Variants in CCDC60 observed in about 807,000 individuals in gnomAD.
The protein encoded by CCDC60 is coiled-coil domain containing 60, also known as coiled-coil domain-containing protein 60.
CCDC60 carries 54 observed loss-of-function variants against 63.5 expected under a neutral mutation model. That is an observed-to-expected ratio of 0.85 (90% CI 0.68 to 1.07). CCDC60 has a LOEUF of 1.07. Ranked by LOEUF, CCDC60 falls within the 50% of genes least tolerant of loss-of-function variation. The pLI, the probability that CCDC60 is intolerant of heterozygous loss-of-function variation, is 0.00. For missense variants in CCDC60, 651 were observed against 684.3 expected (o/e 0.95, Z 0.54); for synonymous variants, 206 against 238.8 (o/e 0.86, Z 1.27).
intron 2 of CCDC60, among the ~76,000 whole-genome samples, chr12:119,467,048 G>A (rs188479753): frequency 2.1e-4 from 32 of 152,246 alleles, no homozygotes; most frequent in South Asian, 1.7e-3. Flanking sequence ...ATAAACTACC[G>A]CTTATTCTAC....
chr12:119,379,105 G>GA (rs1235671623), intron 1 of CCDC60, among the ~76,000 whole-genome samples: 1 of 152,092 alleles, frequency 6.6e-6, no homozygotes. Context: ...AAGAGGAGAA[G>GA]AAAAAAAGAA....
intron 2 of CCDC60, among the ~76,000 whole-genome samples, chr12:119,453,812 C>A (rs1520758): frequency 0.15 from 22,277 of 149,740 alleles, 1,797 homozygotes; most frequent in East Asian, 0.3. Flanking sequence ...GGAAGAGGAG[C>A]AGGAGGAGAA....
rs1378467195 is a variant in CCDC60, at chr12:119,519,464, TA to T, written c.969-656del. On this transcript the variant is annotated intron_variant, in intron 8 of 13. Coordinates refer to ENST00000327554, the MANE Select transcript of CCDC60 (RefSeq NM_178499.5). ...GTGTGTGTGTGTGTATATATATATA[TA>T]TATTTTTTTTTTTTTTTGACAGAGT... 1.0e-3 allele frequency among the ~76,000 whole-genome samples: 133 copies of T among 128,188 alleles called. 1 individual carries two copies. The Middle Eastern group carries it at 0.025, about 24-fold the overall frequency. 84.1% of individuals were successfully genotyped at this position (128,188 alleles called of 152,430 possible). A position where few individuals can be genotyped will look rare whatever the true frequency, so the allele number is the denominator to read the frequency against.
Position 119,482,642 on chromosome 12 carries a change from T to G in CCDC60, c.449+3441T>G, listed in dbSNP as rs1015444022. On this transcript the variant is annotated intron_variant, in intron 4 of 13. Coordinates refer to ENST00000327554, the MANE Select transcript of CCDC60 (RefSeq NM_178499.5). ...GCTGTTCAAAGGCTCTGGCTGCATT[T>G]GATGACTTTATTAGTAAGCTATGGC... is the stretch of plus-strand genomic sequence containing the variant. Among the ~76,000 whole-genome samples the G allele has an allele frequency of 4.7e-4, 71 of 152,204 alleles. 1 individual carries two copies. Among genetic ancestry groups the G allele is most frequent in the Non-Finnish European group, 1.8e-4 (12 of 68,038 alleles).
chr12:119,445,646 T>A (rs1376517132), intron 2 of CCDC60, among the ~76,000 whole-genome samples: 3 of 152,060 alleles, frequency 2.0e-5, no homozygotes, highest in African/African-American at 7.2e-5. Flanking sequence ...TCCCATTTTT[T>A]AAAAGTGAAT....
chr12:119,390,993 A>G (rs989810763), intron 1 of CCDC60, among the ~76,000 whole-genome samples: 1 of 152,192 alleles, frequency 6.6e-6, no homozygotes, highest in African/African-American at 2.4e-5. Flanking sequence ...CACATTCAGG[A>G]TTTTGTGTGA....
intron 11 of CCDC60, among the ~76,000 whole-genome samples, chr12:119,528,330 A>G (rs566203474): frequency 1.2e-4 from 18 of 152,254 alleles, no homozygotes; most frequent in African/African-American, 4.1e-4. Context: ...ATTATTCCCC[A>G]TCTTAGAGAC....
chr12:119,425,027 T>G (rs779070819), intron 1 of CCDC60, among the ~76,000 whole-genome samples: 4 of 150,394 alleles, frequency 2.7e-5, no homozygotes, highest in Non-Finnish European at 5.9e-5. Flanking sequence ...AAAAAAAAAA[T>G]GCTTGAATGT....
intron 1 of CCDC60, among the ~76,000 whole-genome samples, chr12:119,343,337 G>A (rs1004213643): frequency 6.6e-5 from 10 of 152,010 alleles, no homozygotes; most frequent in Non-Finnish European, 8.8e-5. Flanking sequence ...GAAATGCCTC[G>A]GGGTTTCTGG....
chr12:119,485,866 G>A (rs879542102), intron 4 of CCDC60, among the ~76,000 whole-genome samples: 26 of 152,146 alleles, frequency 1.7e-4, no homozygotes, highest in Non-Finnish European at 3.4e-4. Flanking sequence ...GTTTGCATCC[G>A]TTGTTGTCAT....
At chr12:119,422,379 C>G (rs1956829001) in intron 1 of CCDC60, among the ~76,000 whole-genome samples, 1 of 152,176 alleles carries the variant, frequency 6.6e-6, no homozygotes. Context: ...ATACCTGAGA[C>G]TGGGTAATTT....
At chr12:119,432,093 A>G (rs187320348) in intron 2 of CCDC60, among the ~76,000 whole-genome samples, 1 of 152,302 alleles carries the variant, frequency 6.6e-6, no homozygotes, top group East Asian at 1.9e-4. Flanking sequence ...AAAGTCAGAT[A>G]TCTTTCATTG....
rs748769824 is a variant in CCDC60 at position 119,480,995 on chromosome 12, GCAT to G, written c.449+1806_449+1808del. 8.6e-3 allele frequency among the ~76,000 whole-genome samples: 893 copies of G among 103,400 alleles called. 8 individuals are homozygous for G. The highest frequency in any genetic ancestry group is 0.014 in the Non-Finnish European group (731 of 50,778). 67.8% of individuals were successfully genotyped at this position (103,400 alleles called of 152,430 possible). A position where few individuals can be genotyped will look rare whatever the true frequency, so the allele number is the denominator to read the frequency against. ...ATCATTATCACCATCATCATCACCA[GCAT>G]CATCATCATCACCATCGTCCTCACC... On this transcript the variant is annotated intron_variant, in intron 4 of 13. Coordinates refer to ENST00000327554, the MANE Select transcript of CCDC60 (RefSeq NM_178499.5).
At chr12:119,454,044 G>T (rs1170163636) in intron 2 of CCDC60, among the ~76,000 whole-genome samples, 1 of 152,140 alleles carries the variant, frequency 6.6e-6, no homozygotes, top group Admixed American at 6.5e-5. Flanking sequence ...GGCTATTAAT[G>T]TATCCAAATT....
chr12:119,524,057 G>A (rs1373012542), intron 11 of CCDC60, among the ~76,000 whole-genome samples: 1 of 152,210 alleles, frequency 6.6e-6, no homozygotes, highest in Non-Finnish European at 1.5e-5. Flanking sequence ...ATGAGACAGA[G>A]ATAGAGAGCA....
intron 1 of CCDC60, among the ~76,000 whole-genome samples, chr12:119,404,720 T>C (rs951532074): frequency 2.0e-5 from 3 of 152,178 alleles, no homozygotes; most frequent in African/African-American, 7.2e-5. Context: ...TAGGGCACTC[T>C]TGAATCTCAG....
At chr12:119,355,441 C>T (rs1199547530) in intron 1 of CCDC60, among the ~76,000 whole-genome samples, 1 of 152,238 alleles carries the variant, frequency 6.6e-6, no homozygotes, top group Non-Finnish European at 1.5e-5. Context: ...CCACCAGCAG[C>T]AGATTCATCA....
chr12:119,335,151 A>G lies in CCDC60; in HGVS notation c.-26A>G. ...GGAAAAATCCTTGTCTTGGGGGCAC[A>G]GGCTAAAACCTGAAGGATTTTTAAG... On this transcript the variant is annotated 5_prime_UTR_variant, in exon 1 of 14. Coordinates refer to ENST00000327554, the MANE Select transcript of CCDC60 (RefSeq NM_178499.5). The G allele has an allele frequency of 1.3e-6, 2 of 1,576,804 alleles. No homozygotes were observed. Among genetic ancestry groups the G allele is most frequent in the Non-Finnish European group, 1.7e-6 (2 of 1,158,942 alleles).
intron 7 of CCDC60, among the ~76,000 whole-genome samples, chr12:119,515,259 C>T (rs1007890990): frequency 1.3e-5 from 2 of 152,140 alleles, no homozygotes; most frequent in African/African-American, 4.8e-5. Flanking sequence ...CAGAGAGGGT[C>T]ACACAATTCA....
Sources: allele counts gnomAD v4.1 joint callset (sites outside exome capture counted in the v4.1 genomes callset), GRCh38; gene constraint gnomAD v4.1.1; transcripts MANE v1.5; gene names NCBI Gene and HGNC (gene_info 2026-07-23, HGNC 2026-07-21).